The following WWOX variants were observed in gnomAD, a reference collection of about 807,000 sequenced individuals.
WWOX encodes the protein WW domain-containing oxidoreductase.
WWOX carries 69 observed loss-of-function variants against 46.2 expected under a neutral mutation model. The observed-to-expected ratio is 1.49, with a 90% CI of 1.23 to 1.82. The LOEUF (loss-of-function observed/expected upper bound fraction) is 1.82, where lower values mean the gene tolerates loss of function less well. Ranked by LOEUF, WWOX falls within the 40% of genes most tolerant of loss-of-function variation. The pLI, the probability that WWOX is intolerant of heterozygous loss-of-function variation, is 0.00. For synonymous variants in WWOX, 359 were observed against 202.6 expected, an observed-to-expected ratio of 1.77 and a Z score of -6.56; for missense variants, 919 against 542.6, an observed-to-expected ratio of 1.69 and a Z score of -6.89.
chr16:78,606,071 T>C (rs1455226335), intron 8 of WWOX, among the ~76,000 whole-genome samples: 1 of 152,192 alleles, frequency 6.6e-6, no homozygotes, highest in Non-Finnish European at 1.5e-5. Context: ...CCTCCCAAAT[T>C]AAAGACACTG....
intron 8 of WWOX, among the ~76,000 whole-genome samples, chr16:78,797,430 A>T (rs1361487373): frequency 1.3e-5 from 2 of 150,762 alleles, no homozygotes; most frequent in African/African-American, 2.4e-5. Context: ...GCTTGTAGTC[A>T]TTTCCCCAAA....
At chr16:79,083,199 G>A (rs1597358557) in intron 8 of WWOX, among the ~76,000 whole-genome samples, 1 of 152,142 alleles carries the variant, frequency 6.6e-6, no homozygotes, top group South Asian at 2.1e-4. Flanking sequence ...GCAGGTAGGG[G>A]CACTTTGCTG....
intron 8 of WWOX, among the ~76,000 whole-genome samples, chr16:79,091,093 A>G (rs375730959): frequency 5.4e-4 from 82 of 152,154 alleles, no homozygotes; most frequent in Non-Finnish European, 1.1e-3. Flanking sequence ...AGGCCTAGAA[A>G]GACTGGATTT....
intron 5 of WWOX, among the ~76,000 whole-genome samples, chr16:78,292,754 G>A (rs1423284493): frequency 2.0e-5 from 3 of 152,168 alleles, no homozygotes; most frequent in Non-Finnish European, 4.4e-5. Context: ...AAAGTGTTTG[G>A]AGGGCTTCGT....
intron 8 of WWOX, among the ~76,000 whole-genome samples, chr16:78,496,977 T>G (rs1236092935): frequency 6.6e-6 from 1 of 152,116 alleles, no homozygotes; most frequent in African/African-American, 2.4e-5. Flanking sequence ...ATCAAGGGAG[T>G]TAACTATGGC....
chr16:78,507,849 C>G (rs574073806), intron 8 of WWOX, among the ~76,000 whole-genome samples: 48 of 152,262 alleles, frequency 3.2e-4, no homozygotes, highest in African/African-American at 1.1e-3. Flanking sequence ...ACAAGCTTGT[C>G]CAACCCATGG....
At chr16:78,380,960 T>A (rs2081942629) in intron 5 of WWOX, among the ~76,000 whole-genome samples, 1 of 152,108 alleles carries the variant, frequency 6.6e-6, no homozygotes, top group Non-Finnish European at 1.5e-5. Context: ...TCACTCTATC[T>A]AATCTTCACT....
intron 8 of WWOX, among the ~76,000 whole-genome samples, chr16:79,114,215 C>G (rs893587082): frequency 3.3e-5 from 5 of 151,808 alleles, no homozygotes; most frequent in African/African-American, 4.8e-5. Flanking sequence ...TGTTGAAGTC[C>G]CATCCTGTTA....
chr16:79,085,746 A>G (rs1034299558), intron 8 of WWOX, among the ~76,000 whole-genome samples: 1 of 152,180 alleles, frequency 6.6e-6, no homozygotes, highest in Non-Finnish European at 1.5e-5. Context: ...CAGAAGTATT[A>G]GCAGAAATGT....
chr16:78,507,788 C>A (rs2085250083), intron 8 of WWOX, among the ~76,000 whole-genome samples: 1 of 152,140 alleles, frequency 6.6e-6, no homozygotes, highest in Non-Finnish European at 1.5e-5. Context: ...TCTCAGCATC[C>A]TGCCTTGATT....
intron 8 of WWOX, among the ~76,000 whole-genome samples, chr16:79,208,247 G>A (rs1397743954): frequency 6.6e-6 from 1 of 152,078 alleles, no homozygotes; most frequent in Non-Finnish European, 1.5e-5. Flanking sequence ...ATTCTTCTGG[G>A]CTTCCCAGAA....
intron 8 of WWOX, among the ~76,000 whole-genome samples, chr16:78,518,060 G>A (rs1349987181): frequency 4.0e-5 from 6 of 151,848 alleles, no homozygotes; most frequent in Admixed American, 3.3e-4. Flanking sequence ...TAGATGCTTG[G>A]AGCTTCAGTT....
intron 8 of WWOX, among the ~76,000 whole-genome samples, chr16:78,568,474 C>CTT (rs200073404): frequency 1.6e-4 from 21 of 133,370 alleles, no homozygotes; most frequent in South Asian, 2.4e-4. Flanking sequence ...AAGCTTCCAA[C>CTT]TTTTTTTTTT....
chr16:78,727,738 G>A (rs1336232301), intron 8 of WWOX, among the ~76,000 whole-genome samples: 1 of 152,054 alleles, frequency 6.6e-6, no homozygotes, highest in Non-Finnish European at 1.5e-5. Flanking sequence ...TTGGACTTGG[G>A]GATTGGACTC....
chr16:78,162,950 A>G (rs1459452750), intron 4 of WWOX, among the ~76,000 whole-genome samples: 2 of 151,960 alleles, frequency 1.3e-5, no homozygotes, highest in African/African-American at 4.8e-5. Flanking sequence ...CAGAATATCT[A>G]TTTGAATTTT....
At chr16:79,042,644 C>G (rs1434277959) in intron 8 of WWOX, among the ~76,000 whole-genome samples, 5 of 152,034 alleles carry the variant, frequency 3.3e-5, no homozygotes, top group African/African-American at 7.2e-5. Context: ...TGCAGTTAAT[C>G]ATACGCATAC....
rs952383447 is a variant in WWOX at position 79,168,531 on chromosome 16, C to T, written c.1057-43077C>T. Among the ~76,000 whole-genome samples the T allele has an allele frequency of 6.6e-5, 10 of 152,270 alleles. No homozygotes were observed. The East Asian group carries it at 7.7e-4, about 12-fold the overall frequency. On this transcript the variant is annotated intron_variant, in intron 8 of 8. Transcript: ENST00000566780. The stretch of plus-strand genomic sequence containing the variant: ...AGTCCCTGTTATTTCAGTCTCTCCC[C>T]GCCTCCCTGCCCACACCTCTGAAGC...
intron 8 of WWOX, among the ~76,000 whole-genome samples, chr16:78,712,836 A>G (rs1279457302): frequency 6.6e-6 from 1 of 152,176 alleles, no homozygotes; most frequent in Non-Finnish European, 1.5e-5. Context: ...AGATTGGAAA[A>G]TGTTCATGTT....
chr16:78,216,834 C>T (rs1048463897), intron 5 of WWOX, among the ~76,000 whole-genome samples: 7 of 152,082 alleles, frequency 4.6e-5, no homozygotes, highest in Non-Finnish European at 8.8e-5. Context: ...AGGGTTCAAG[C>T]GATTCTCCTG....
Sources: allele counts gnomAD v4.1 joint callset (sites outside exome capture counted in the v4.1 genomes callset), GRCh38; gene constraint gnomAD v4.1.1; transcripts MANE v1.5; gene names NCBI Gene and HGNC (gene_info 2026-07-23, HGNC 2026-07-21).